NAV2: variants seen among roughly 807,000 people sequenced by gnomAD.
The protein encoded by NAV2 is neuron navigator 2.
Under a neutral mutation model 223.2 loss-of-function variants are expected in NAV2, and 54 were observed. That is an observed-to-expected ratio of 0.24 (90% CI 0.19 to 0.30). NAV2 has a LOEUF of 0.30. Ranked by LOEUF, NAV2 falls within the 10% of genes least tolerant of loss-of-function variation. NAV2 has a pLI of 1.00. For missense variants in NAV2, 2,806 were observed against 3,147.5 expected (o/e 0.89, Z 2.60); for synonymous variants, 1,279 against 1,239.3 (o/e 1.03, Z -0.67).
At chr11:19,445,068 A>G (rs980144321) in intron 1 of NAV2, among the ~76,000 whole-genome samples, 2 of 152,174 alleles carry the variant, frequency 1.3e-5, no homozygotes, top group South Asian at 4.1e-4. Flanking sequence ...TTATTTATCA[A>G]TGGAGAATCA....
chr11:19,703,328 C>T (rs2049564514), intron 1 of NAV2, among the ~76,000 whole-genome samples: 1 of 152,200 alleles, frequency 6.6e-6, no homozygotes, highest in African/African-American at 2.4e-5. Flanking sequence ...TGACCAGCAG[C>T]ACCTCTTCCA....
chr11:19,680,612 C>T lies in NAV2; in HGVS notation c.76-151872C>T, dbSNP rs559340641. On this transcript the variant is annotated intron_variant, in intron 1 of 37. Coordinates refer to the NAV2 transcript ENST00000360655. ...ACAGACCTGCATTTGAATCCTGCCT[C>T]TACCCCTACCTGCTGTGCCCCTTTG... is the stretch of plus-strand genomic sequence containing the variant. Among the ~76,000 whole-genome samples, 6 of 152,326 alleles carry T rather than the reference C, an allele frequency of 3.9e-5. 1 individual carries two copies. The highest frequency in any genetic ancestry group is 3.9e-4 in the Admixed American group (6 of 15,308).
At chr11:19,747,966 T>C (rs1338875482) in intron 1 of NAV2, among the ~76,000 whole-genome samples, 11 of 152,176 alleles carry the variant, frequency 7.2e-5, no homozygotes, top group East Asian at 1.9e-4. Flanking sequence ...AGTAGGGAGA[T>C]GGTTTGCAGC....
chr11:20,023,699 G>GGTGGGTGGGTGGGTGTGT (rs1554902315), intron 11 of NAV2, among the ~76,000 whole-genome samples: 1 of 144,572 alleles, frequency 6.9e-6, no homozygotes, highest in South Asian at 2.3e-4. Context: ...CAAATTGCTG[G>GGTGGGTGGGTGGGTGTGT]GTGTGTGTGT....
intron 1 of NAV2, among the ~76,000 whole-genome samples, chr11:19,614,784 C>T (rs931434974): frequency 3.9e-5 from 6 of 152,110 alleles, no homozygotes; most frequent in Admixed American, 6.6e-5. Context: ...CAGGAATTTC[C>T]CCTAGAACTC....
chr11:19,459,028 C>T (rs751219928), intron 1 of NAV2, among the ~76,000 whole-genome samples: 2 of 152,136 alleles, frequency 1.3e-5, no homozygotes, highest in East Asian at 1.9e-4. Context: ...AGGAGATGAG[C>T]GTGGGAAGGC....
chr11:20,092,162 A>T, intron 27 of NAV2, 44 bp from the exon 28 acceptor site: 1 of 1,587,756 alleles, frequency 6.3e-7, no homozygotes, highest in Non-Finnish European at 8.6e-7. Context: ...TCTTGTTCAC[A>T]TTACTTCTGC....
In NAV2 at chr11:19,707,394, G is replaced by GGT. The variant is rs543814325; in HGVS notation, c.76-125090_76-125089insGT. ...TATCTTTATAAGCTTTTTTCTATTA[G>GGT]TTATTTTTTTAACTTTTTCAACTTC... On this transcript the variant is annotated intron_variant, in intron 1 of 37. Transcript: ENST00000360655. 3.6e-3 allele frequency among the ~76,000 whole-genome samples: 546 copies of GGT among 152,096 alleles called. 2 individuals carry two copies. Among genetic ancestry groups the GGT allele is most frequent in the African/African-American group, 0.013 (528 of 41,518 alleles).
chr11:19,656,220 T>A (rs933983655), intron 1 of NAV2, among the ~76,000 whole-genome samples: 1 of 152,162 alleles, frequency 6.6e-6, no homozygotes, highest in African/African-American at 2.4e-5. Flanking sequence ...GAGACCACCA[T>A]TACCAGGGAG....
chr11:19,836,900 T>A (rs1247889401), intron 2 of NAV2, among the ~76,000 whole-genome samples: 1 of 152,190 alleles, frequency 6.6e-6, no homozygotes, highest in Non-Finnish European at 1.5e-5. Context: ...CCTTCCATGG[T>A]GGAAGGCGTG....
intron 1 of NAV2, among the ~76,000 whole-genome samples, chr11:19,809,526 T>A (rs1438606985): frequency 2.6e-5 from 4 of 152,244 alleles, no homozygotes; most frequent in Non-Finnish European, 5.9e-5. Flanking sequence ...ACAACTAATA[T>A]TCACATATTA....
intron 1 of NAV2, among the ~76,000 whole-genome samples, chr11:19,493,167 C>T (rs1291445480): frequency 1.3e-5 from 2 of 151,864 alleles, no homozygotes; most frequent in Admixed American, 6.6e-5. Flanking sequence ...CTCCCCTGCC[C>T]CCTCCCCTCT....
chr11:19,992,690 C>A (rs969162246), intron 11 of NAV2, among the ~76,000 whole-genome samples: 1 of 147,198 alleles, frequency 6.8e-6, no homozygotes, highest in African/African-American at 2.5e-5. Flanking sequence ...CAGGTTCAAG[C>A]GATTCTTCTG....
At chr11:19,674,296 T>C (rs1248230299) in intron 1 of NAV2, among the ~76,000 whole-genome samples, 1 of 152,148 alleles carries the variant, frequency 6.6e-6, no homozygotes, top group African/African-American at 2.4e-5. Context: ...CCAGGGTACT[T>C]ATTTACACAA....
chr11:19,539,698 C>T (rs896485586), intron 1 of NAV2, among the ~76,000 whole-genome samples: 1 of 152,142 alleles, frequency 6.6e-6, no homozygotes, highest in Non-Finnish European at 1.5e-5. Context: ...TATCAGCTGC[C>T]ATTTTGATTC....
At chr11:19,592,904 A>G (rs754814076) in intron 1 of NAV2, among the ~76,000 whole-genome samples, 54 of 152,204 alleles carry the variant, frequency 3.5e-4, no homozygotes, top group Middle Eastern at 3.2e-3. Context: ...GAGAGATCCC[A>G]TGTAAAGATA....
chr11:19,427,225 C>T (rs1850866465), intron 1 of NAV2, among the ~76,000 whole-genome samples: 1 of 152,226 alleles, frequency 6.6e-6, no homozygotes, highest in African/African-American at 2.4e-5. Context: ...TCTTTCCTCC[C>T]CTGCAGAAAG....
rs192005221 is a variant in NAV2 at position 19,497,280 on chromosome 11, T to C, written c.75+146253T>C. ...TAATGTTTGGAAAGTGCTTAGACTGTGCCCAGAACATTGTAAGTGCCGTAT... is the reference window on the plus strand; with the variant it reads ...TAATGTTTGGAAAGTGCTTAGACTGCGCCCAGAACATTGTAAGTGCCGTAT... On this transcript the variant is annotated intron_variant, in intron 1 of 37. Transcript: ENST00000360655. 4.6e-5 allele frequency among the ~76,000 whole-genome samples: 7 copies of C among 151,272 alleles called. 1 individual carries two copies. The highest frequency in any genetic ancestry group is 4.0e-4 in the Admixed American group (6 of 15,058).
In NAV2 at chr11:19,584,271, T is replaced by C. The variant is rs565625955; in HGVS notation, c.75+233244T>C. On this transcript the variant is annotated intron_variant, in intron 1 of 37. Transcript: ENST00000360655. ...GGGTCTATTCGATTCTTCTCTCTTT[T>C]CTTCTTTATTAGTCTTGCTAGCGGT... is the stretch of plus-strand genomic sequence containing the variant. Among the ~76,000 whole-genome samples, 15 of 152,310 alleles carry C rather than the reference T, an allele frequency of 9.8e-5. No homozygotes were observed. In the East Asian group the frequency reaches 1.3e-3, roughly 14 times the overall value.
Sources: gnomAD v4.1 joint callset for allele counts (sites outside exome capture counted in the v4.1 genomes callset) on GRCh38, gnomAD v4.1.1 for gene constraint, MANE v1.5 for transcripts, NCBI Gene and HGNC (gene_info 2026-07-23, HGNC 2026-07-21) for gene names.